Variants in SEMA3A observed in about 807,000 individuals in gnomAD.
The protein encoded by SEMA3A is semaphorin-3A.
SEMA3A carries 29 observed loss-of-function variants against 97.9 expected under a neutral mutation model. The observed-to-expected ratio is 0.30, with a 90% CI of 0.22 to 0.40. The LOEUF is 0.40. SEMA3A is among the 10% of genes least tolerant of loss of function. SEMA3A has a pLI of 1.00. For missense variants in SEMA3A, 763 were observed against 951.3 expected, an observed-to-expected ratio of 0.80 and a Z score of 2.60; for synonymous variants, 321 against 323.7, an observed-to-expected ratio of 0.99 and a Z score of 0.09.
At chr7:84,469,275 G>C (rs913984359) in intron 1 of SEMA3A, among the ~76,000 whole-genome samples, 1 of 152,116 alleles carries the variant, frequency 6.6e-6, no homozygotes. Context: ...CTGTAACCCT[G>C]TATAAGCTTT....
At chr7:84,214,349 AT>A (rs1408733232) in intron 3 of SEMA3A, among the ~76,000 whole-genome samples, 10 of 152,192 alleles carry the variant, frequency 6.6e-5, no homozygotes, top group Non-Finnish European at 1.3e-4. Context: ...AGATAATATA[AT>A]ACCAACATTA....
chr7:84,278,646 A>G (rs1584195014), intron 3 of SEMA3A, among the ~76,000 whole-genome samples: 1 of 152,058 alleles, frequency 6.6e-6, no homozygotes, highest in Admixed American at 6.6e-5. Context: ...CATGGTGGAG[A>G]GCAAAGGAAG....
intron 6 of SEMA3A, among the ~76,000 whole-genome samples, chr7:84,025,530 T>C (rs1791514015): frequency 6.6e-6 from 1 of 152,164 alleles, no homozygotes; most frequent in South Asian, 2.1e-4. Context: ...AGGAGATATA[T>C]CATTTTTGGC....
intron 3 of SEMA3A, among the ~76,000 whole-genome samples, chr7:84,217,577 G>A (rs566128676): frequency 7.9e-5 from 12 of 152,266 alleles, no homozygotes; most frequent in African/African-American, 2.4e-4. Flanking sequence ...GATGGGGTAT[G>A]AAGAGGGAAT....
At chr7:84,480,592 A>G (rs2706896) in intron 1 of SEMA3A, among the ~76,000 whole-genome samples, 29,966 of 152,072 alleles carry the variant, frequency 0.2, 3,586 homozygotes, top group East Asian at 0.47. Context: ...TGAGCAGAAG[A>G]TTAGAGCTCT....
At chr7:84,424,323 TATA>T (rs895549377) in intron 1 of SEMA3A, among the ~76,000 whole-genome samples, 9 of 142,516 alleles carry the variant, frequency 6.3e-5, no homozygotes, top group Non-Finnish European at 1.1e-4. Context: ...ATACATTCTA[TATA>T]ATATGATATA....
intron 6 of SEMA3A, among the ~76,000 whole-genome samples, chr7:84,021,635 T>G (rs921297798): frequency 2.0e-5 from 3 of 152,348 alleles, no homozygotes; most frequent in African/African-American, 7.2e-5. Flanking sequence ...TCTTAATCAC[T>G]TGTTTCCCTC....
rs182621992 is a variant in SEMA3A at position 84,077,380 on chromosome 7, G to A, written c.454-16822C>T. ...TTTTTTACCACTTCTTTTTATAAAC[G>A]TGTTTGTCAAATCCATGATTAGACA... On this transcript the variant is annotated intron_variant, in intron 4 of 16. Coordinates refer to ENST00000265362, the MANE Select transcript of SEMA3A (RefSeq NM_006080.3). Among the ~76,000 whole-genome samples, 198 of 151,916 alleles carry A rather than the reference G, an allele frequency of 1.3e-3. 2 individuals carry two copies. The highest frequency in any genetic ancestry group is 4.5e-3 in the African/African-American group (185 of 41,466).
chr7:84,102,149 A>C (rs1794975812), intron 4 of SEMA3A, among the ~76,000 whole-genome samples: 1 of 152,178 alleles, frequency 6.6e-6, no homozygotes, highest in African/African-American at 2.4e-5. Flanking sequence ...GTTTTAAACA[A>C]GGGTGCTAGT....
At chr7:84,316,794 G>A (rs574350889) in intron 2 of SEMA3A, among the ~76,000 whole-genome samples, 6 of 152,062 alleles carry the variant, frequency 3.9e-5, no homozygotes, top group African/African-American at 1.4e-4. Context: ...GAAAATAAAG[G>A]ACAAGGAGAG....
At chr7:84,145,845 T>C (rs1375697912) in intron 1 of SEMA3A, among the ~76,000 whole-genome samples, 1 of 152,116 alleles carries the variant, frequency 6.6e-6, no homozygotes, top group African/African-American at 2.4e-5. Flanking sequence ...AATGCTTTTA[T>C]TAAAACAAAG....
Position 84,129,107 on chromosome 7 carries a change from G to A in SEMA3A, c.333+16C>T. The A allele has an allele frequency of 6.3e-7, 1 of 1,580,764 alleles. No homozygotes were observed. Among genetic ancestry groups the A allele is most frequent in the Non-Finnish European group, 8.7e-7 (1 of 1,149,818 alleles). On this transcript the variant is annotated intron_variant, in intron 3 of 16. Transcript: ENST00000265362. ...GATACTCAACCTGTATAATAATTTA[G>A]TAGGTTAATGCTTACCAGGATGTCT...
At chr7:84,366,777 T>C (rs1182660296) in intron 2 of SEMA3A, among the ~76,000 whole-genome samples, 1 of 151,382 alleles carries the variant, frequency 6.6e-6, no homozygotes, top group Non-Finnish European at 1.5e-5. Context: ...CATGTCATTT[T>C]CTGAGGTGTT....
At chr7:84,118,978 T>C (rs960836984) in intron 3 of SEMA3A, among the ~76,000 whole-genome samples, 3 of 152,170 alleles carry the variant, frequency 2.0e-5, no homozygotes, top group African/African-American at 7.2e-5. Context: ...TTGTGATATG[T>C]AATATAAAGG....
chr7:84,054,970 G>A lies in SEMA3A; in HGVS notation c.547+5495C>T, dbSNP rs527494056. Among the ~76,000 whole-genome samples the A allele has an allele frequency of 7.3e-4, 111 of 152,148 alleles. 1 individual carries two copies. Among genetic ancestry groups the A allele is most frequent in the South Asian group, 2.1e-4 (1 of 4,816 alleles). ...CTGTTGGAGTACCCTGCCATGTGAG[G>A]TGTCAGTCTGCCCCTGCTGTGGGGT... On this transcript the variant is annotated intron_variant, in intron 5 of 16. Transcript: ENST00000265362.
At chr7:84,173,635 T>A (rs9642175) in intron 1 of SEMA3A, among the ~76,000 whole-genome samples, 1 of 150,838 alleles carries the variant, frequency 6.6e-6, no homozygotes. Context: ...GATTAGAAAC[T>A]GAATACATTT....
intron 1 of SEMA3A, among the ~76,000 whole-genome samples, chr7:84,408,614 T>C (rs1187366817): frequency 6.6e-6 from 1 of 151,968 alleles, no homozygotes; most frequent in African/African-American, 2.4e-5. Flanking sequence ...TGTGGCACTA[T>C]TCACAATAGC....
chr7:84,202,056 G>A (rs1035561020), intron 3 of SEMA3A, among the ~76,000 whole-genome samples: 2 of 152,042 alleles, frequency 1.3e-5, no homozygotes, highest in African/African-American at 4.8e-5. Context: ...TTATACATGA[G>A]GAAAACAAAT....
intron 14 of SEMA3A, among the ~76,000 whole-genome samples, chr7:83,979,505 T>A (rs1056240807): frequency 6.6e-6 from 1 of 152,198 alleles, no homozygotes; most frequent in African/African-American, 2.4e-5. Context: ...CTTTTAATCT[T>A]AAAAAATTTA....
Sources: allele counts gnomAD v4.1 joint callset (sites outside exome capture counted in the v4.1 genomes callset), GRCh38; gene constraint gnomAD v4.1.1; transcripts MANE v1.5; gene names NCBI Gene and HGNC (gene_info 2026-07-23, HGNC 2026-07-21).